The following XRCC4 variants were observed in gnomAD, a reference collection of about 807,000 sequenced individuals.
The protein encoded by XRCC4 is DNA repair protein XRCC4.
A neutral mutation model predicts 39.1 loss-of-function variants in XRCC4; 28 were observed. The observed-to-expected ratio is 0.72, with a 90% CI of 0.53 to 0.98. The LOEUF is 0.98. Among genes scored for constraint, XRCC4 ranks in the 50% least tolerant of loss-of-function variants. XRCC4 has a pLI of 0.00. For synonymous variants in XRCC4, 123 were observed against 126.4 expected (o/e 0.97, Z 0.18); for missense variants, 350 against 376.4 (o/e 0.93, Z 0.58).
At chr5:83,367,770 T>C in the XRCC4 span, among the ~76,000 whole-genome samples, 3 of 152,132 alleles carry the variant, frequency 2.0e-5, no homozygotes, top group East Asian at 5.8e-4. Flanking sequence ...TTTTTTTTTT[T>C]TTAGTTGAGA....
intron 4 of XRCC4, among the ~76,000 whole-genome samples, chr5:83,196,359 G>T (rs547025794): frequency 6.6e-6 from 1 of 151,990 alleles, no homozygotes; most frequent in Non-Finnish European, 1.5e-5. Flanking sequence ...CAGTGTTTTG[G>T]CTCCTAATAG....
intron 7 of XRCC4, among the ~76,000 whole-genome samples, chr5:83,274,455 A>G (rs1165012144): frequency 2.0e-5 from 3 of 152,216 alleles, no homozygotes; most frequent in Admixed American, 2.0e-4. Context: ...TGTGAGCCAG[A>G]CAGTGACTTA....
At chr5:83,118,044 CCACACACA>C (rs34524513) in intron 3 of XRCC4, among the ~76,000 whole-genome samples, 10 of 118,438 alleles carry the variant, frequency 8.4e-5, no homozygotes, top group Admixed American at 2.3e-4. Context: ...ATATACATCT[CCACACACA>C]CACACACACA....
intron 7 of XRCC4, among the ~76,000 whole-genome samples, chr5:83,263,090 C>A (rs554521450): frequency 6.9e-6 from 1 of 145,434 alleles, no homozygotes; most frequent in Non-Finnish European, 1.5e-5. Context: ...TGAGAATATG[C>A]GGTGTTTGGT....
chr5:83,079,653 A>T (rs1744845101), intron 1 of XRCC4, among the ~76,000 whole-genome samples: 1 of 152,012 alleles, frequency 6.6e-6, no homozygotes, highest in Admixed American at 6.6e-5. Context: ...CTCCCTCAGT[A>T]TCCCCAGTAA....
chr5:83,129,752 T>A (rs7716985), intron 3 of XRCC4, among the ~76,000 whole-genome samples: 9,702 of 152,164 alleles, frequency 0.064, 1,081 homozygotes, highest in East Asian at 0.49. Context: ...GAATGGGAGT[T>A]CACTCATGAT....
intron 3 of XRCC4, among the ~76,000 whole-genome samples, chr5:83,185,071 C>T (rs1056382469): frequency 7.3e-5 from 11 of 151,704 alleles, no homozygotes; most frequent in Admixed American, 2.6e-4. Flanking sequence ...TGTTTTGATA[C>T]GACCAAGGGA....
chr5:83,373,074 G>GA, the XRCC4 span, among the ~76,000 whole-genome samples: 7 of 151,948 alleles, frequency 4.6e-5, no homozygotes, highest in African/African-American at 1.7e-4. Context: ...TTTGAACACT[G>GA]ATAGTCCTTC....
Position 83,147,300 on chromosome 5 carries a change from C to G in XRCC4, c.315+36097C>G, listed in dbSNP as rs144057604. On this transcript the variant is annotated intron_variant, in intron 3 of 7. Transcript: ENST00000396027. ...CTCCATACACACAGGAAAGAATCAA[C>G]CCGGGTATCCATCAGTAGATGAATG... Among the ~76,000 whole-genome samples, 1,172 of 152,164 alleles carry G rather than the reference C, an allele frequency of 7.7e-3. 12 individuals carry two copies. The highest frequency in any genetic ancestry group is 0.026 in the African/African-American group (1,096 of 41,500).
At chr5:83,144,175 A>G (rs971220576) in intron 3 of XRCC4, among the ~76,000 whole-genome samples, 2 of 151,812 alleles carry the variant, frequency 1.3e-5, no homozygotes, top group South Asian at 2.1e-4. Context: ...TCCATTCCCA[A>G]GTTACTTCAC....
At chr5:83,114,734 TC>T (rs2112417080) in intron 3 of XRCC4, among the ~76,000 whole-genome samples, 1 of 152,320 alleles carries the variant, frequency 6.6e-6, no homozygotes, top group East Asian at 1.9e-4. Context: ...TCCAAACTGT[TC>T]CAGTCTCTGC....
chr5:83,278,411 C>A (rs1240005742), intron 7 of XRCC4, among the ~76,000 whole-genome samples: 1 of 152,074 alleles, frequency 6.6e-6, no homozygotes, highest in East Asian at 1.9e-4. Flanking sequence ...TAATAAAACA[C>A]CACAGTCTGG....
At chr5:83,150,909 GA>G (rs1293016461) in intron 3 of XRCC4, among the ~76,000 whole-genome samples, 1 of 152,050 alleles carries the variant, frequency 6.6e-6, no homozygotes, top group African/African-American at 2.4e-5. Context: ...TACCTTATTA[GA>G]AAAATAGCCT....
chr5:83,320,742 CTAAAGGCCCAGATGATTA>C (rs2112129392), intron 7 of XRCC4, among the ~76,000 whole-genome samples: 1 of 151,528 alleles, frequency 6.6e-6, no homozygotes, highest in Non-Finnish European at 1.5e-5. Context: ...TTACAACTTG[CTAAAGGCCCAGATGATTA>C]TTAGCATTTT....
chr5:83,121,811 T>C (rs1747024527), intron 3 of XRCC4, among the ~76,000 whole-genome samples: 1 of 152,200 alleles, frequency 6.6e-6, no homozygotes, highest in Non-Finnish European at 1.5e-5. Context: ...GCATGAGCGC[T>C]ATAGTTTTAG....
chr5:83,257,014 A>T (rs1462205714), intron 6 of XRCC4, among the ~76,000 whole-genome samples: 1 of 152,138 alleles, frequency 6.6e-6, no homozygotes, highest in Non-Finnish European at 1.5e-5. Context: ...CTGGAAATTG[A>T]TAGTTATTAA....
At chr5:83,223,755 A>C (rs1278491046) in intron 6 of XRCC4, among the ~76,000 whole-genome samples, 1 of 151,898 alleles carries the variant, frequency 6.6e-6, no homozygotes, top group Admixed American at 6.6e-5. Flanking sequence ...ATATGTATAC[A>C]TGTGCCATGC....
At chr5:83,086,908 C>T (rs1745207289) in intron 1 of XRCC4, among the ~76,000 whole-genome samples, 1 of 152,084 alleles carries the variant, frequency 6.6e-6, no homozygotes, top group South Asian at 2.1e-4. Flanking sequence ...TACCTAAATG[C>T]CTAACCATGA....
intron 7 of XRCC4, among the ~76,000 whole-genome samples, chr5:83,263,201 T>TATGG (rs1753825942): frequency 6.6e-6 from 1 of 151,054 alleles, no homozygotes; most frequent in Non-Finnish European, 1.5e-5. Context: ...TGCATAGTAT[T>TATGG]CCATGGTGTA....
Sources: allele counts gnomAD v4.1 joint callset (sites outside exome capture counted in the v4.1 genomes callset), GRCh38; gene constraint gnomAD v4.1.1; transcripts MANE v1.5; gene names NCBI Gene and HGNC (gene_info 2026-07-23, HGNC 2026-07-21).